Variants in TUNAR observed in about 807,000 individuals in gnomAD.
TUNAR encodes the protein transmembrane neural differentiation associated intracellular calcium regulator, also known as protein TUNAR.
At chr14:95,919,582 G>A (rs889515310) in intron 2 of TUNAR, among the ~76,000 whole-genome samples, 2 of 151,772 alleles carry the variant, frequency 1.3e-5, no homozygotes, top group African/African-American at 2.4e-5. Context: ...GCGTGGTGGT[G>A]CACGCTGGTG....
chr14:95,878,859 T>C (rs1175973252), intron 2 of TUNAR, among the ~76,000 whole-genome samples: 2 of 152,166 alleles, frequency 1.3e-5, no homozygotes, highest in East Asian at 3.8e-4. Flanking sequence ...TACAATGCAT[T>C]AAGAAGATGC....
chr14:95,919,322 C>A (rs956911073), intron 2 of TUNAR, among the ~76,000 whole-genome samples: 1 of 152,152 alleles, frequency 6.6e-6, no homozygotes, highest in Non-Finnish European at 1.5e-5. Flanking sequence ...AGGAAATGCA[C>A]GTGTGAATTT....
At chr14:95,906,528 G>A (rs1338860215) in intron 2 of TUNAR, among the ~76,000 whole-genome samples, 1 of 152,206 alleles carries the variant, frequency 6.6e-6, no homozygotes, top group Non-Finnish European at 1.5e-5. Context: ...GTCCCCATGA[G>A]AAGCACATTT....
chr14:95,913,090 C>T (rs905878752), intron 2 of TUNAR, among the ~76,000 whole-genome samples: 5 of 141,996 alleles, frequency 3.5e-5, no homozygotes, highest in Admixed American at 6.8e-5. Flanking sequence ...CGCGCCTAGC[C>T]GGGCATCTTT....
intron 2 of TUNAR, among the ~76,000 whole-genome samples, chr14:95,921,201 A>T (rs1452038810): frequency 6.6e-6 from 1 of 152,210 alleles, no homozygotes; most frequent in Admixed American, 6.5e-5. Context: ...TCAAATGTTA[A>T]TCTCATCCTG....
At chr14:95,907,483 G>T (rs1889444826) in intron 2 of TUNAR, among the ~76,000 whole-genome samples, 2 of 152,194 alleles carry the variant, frequency 1.3e-5, no homozygotes, top group South Asian at 4.1e-4. Context: ...CTTCTTATGG[G>T]ATCTTTAGAA....
chr14:95,889,208 G>A (rs934164683), intron 2 of TUNAR, among the ~76,000 whole-genome samples: 3 of 151,950 alleles, frequency 2.0e-5, no homozygotes, highest in Non-Finnish European at 4.4e-5. Context: ...ACTTTCTTGG[G>A]TCCTGGGCAA....
intron 2 of TUNAR, among the ~76,000 whole-genome samples, chr14:95,882,298 G>A (rs1001352789): frequency 1.1e-4 from 16 of 152,216 alleles, no homozygotes; most frequent in African/African-American, 3.9e-4. Flanking sequence ...GAAAATGCAA[G>A]AGTAGCTTTG....
intron 2 of TUNAR, among the ~76,000 whole-genome samples, chr14:95,918,866 C>G (rs922793218): frequency 6.6e-6 from 1 of 152,178 alleles, no homozygotes; most frequent in Non-Finnish European, 1.5e-5. Flanking sequence ...CATCTATTCC[C>G]TGGCCTGTAG....
intron 2 of TUNAR, among the ~76,000 whole-genome samples, chr14:95,882,169 G>C (rs915960905): frequency 6.6e-6 from 1 of 152,206 alleles, no homozygotes; most frequent in Non-Finnish European, 1.5e-5. Flanking sequence ...GAATAACATT[G>C]CGTGTCCTCG....
chr14:95,904,520 GAAAGTCAAC>G (rs1889401559), intron 2 of TUNAR, among the ~76,000 whole-genome samples: 1 of 152,188 alleles, frequency 6.6e-6, no homozygotes, highest in African/African-American at 2.4e-5. Context: ...GGATAGGTAT[GAAAGTCAAC>G]AGCCCAGGCC....
intron 2 of TUNAR, among the ~76,000 whole-genome samples, chr14:95,881,103 C>T (rs1888971315): frequency 6.6e-6 from 1 of 152,172 alleles, no homozygotes; most frequent in South Asian, 2.1e-4. Flanking sequence ...CCTTCCTCCC[C>T]AATTTCTAGA....
At chr14:95,899,313 CA>C (rs1889311124) in intron 2 of TUNAR, among the ~76,000 whole-genome samples, 1 of 152,182 alleles carries the variant, frequency 6.6e-6, no homozygotes, top group Non-Finnish European at 1.5e-5. Context: ...AATCCACTCC[CA>C]GGTATCCCAC....
At chr14:95,923,850 A>G (rs1015779764) in exon 3 of TUNAR, 1 of 152,186 alleles carries the variant, frequency 6.6e-6, no homozygotes, top group African/African-American at 2.4e-5. Context: ...TCGGAGATAT[A>G]AAATGATTGT....
chr14:95,880,186 C>A (rs1424408377), intron 2 of TUNAR, among the ~76,000 whole-genome samples: 1 of 152,188 alleles, frequency 6.6e-6, no homozygotes, highest in Non-Finnish European at 1.5e-5. Flanking sequence ...GCCCTCCAAA[C>A]TCTAAGTTTG....
At chr14:95,916,838 T>C (rs976170308) in intron 2 of TUNAR, among the ~76,000 whole-genome samples, 9 of 152,226 alleles carry the variant, frequency 5.9e-5, no homozygotes, top group Non-Finnish European at 1.0e-4. Context: ...TGTTTGATGG[T>C]AGCTCACTGT....
intron 2 of TUNAR, among the ~76,000 whole-genome samples, chr14:95,912,782 C>CCTTTTTTTCTTTTTTTTT (rs1889536272): frequency 6.6e-6 from 1 of 152,100 alleles, no homozygotes; most frequent in Non-Finnish European, 1.5e-5. Flanking sequence ...TGGGCATCTT[C>CCTTTTTTTCTTTTTTTTT]CTTTTTTTCT....
chr14:95,909,350 C>T (rs959488759), intron 2 of TUNAR, among the ~76,000 whole-genome samples: 1 of 144,254 alleles, frequency 6.9e-6, no homozygotes, highest in Non-Finnish European at 1.5e-5. Flanking sequence ...GTGGCACGAT[C>T]TCGGCTCACT....
At chr14:95,888,881 G>A (rs1459935479) in intron 2 of TUNAR, among the ~76,000 whole-genome samples, 1 of 152,198 alleles carries the variant, frequency 6.6e-6, no homozygotes. Context: ...AGCCACCACG[G>A]AGTGCTTAGG....
Sources: gnomAD v4.1 joint callset for allele counts (sites outside exome capture counted in the v4.1 genomes callset) on GRCh38, gnomAD v4.1.1 for gene constraint, MANE v1.5 for transcripts, NCBI Gene and HGNC (gene_info 2026-07-23, HGNC 2026-07-21) for gene names.